ANGPTL2: variants seen among roughly 807,000 people sequenced by gnomAD.
ANGPTL2 encodes angiopoietin like 2, also known as angiopoietin-related protein 2.
Under a neutral mutation model 52.8 loss-of-function variants are expected in ANGPTL2, and 25 were observed. The ratio of observed to expected loss-of-function variants is 0.47; its 90% CI spans 0.35 to 0.66. The LOEUF is 0.66. Among genes scored for constraint, ANGPTL2 ranks in the 30% least tolerant of loss-of-function variants. ANGPTL2 has a pLI of 0.01. For missense variants in ANGPTL2, 546 were observed against 656.9 expected, an observed-to-expected ratio of 0.83 and a Z score of 1.84; for synonymous variants, 276 against 277.4, an observed-to-expected ratio of 1.00 and a Z score of 0.05.
At chr9:127,100,373 T>G (rs893649833) in intron 2 of ANGPTL2, among the ~76,000 whole-genome samples, 13 of 152,248 alleles carry the variant, frequency 8.5e-5, no homozygotes, top group Non-Finnish European at 1.6e-4. Flanking sequence ...TCTGCTCATT[T>G]GACCTCGGGA....
intron 1 of ANGPTL2, among the ~76,000 whole-genome samples, chr9:127,110,741 C>G (rs1409570306): frequency 6.6e-6 from 1 of 152,158 alleles, no homozygotes. Flanking sequence ...TCCTAGACGC[C>G]TTTCTTTCTT....
At chr9:127,111,556 A>G (rs1470460725) in intron 1 of ANGPTL2, among the ~76,000 whole-genome samples, 1 of 152,216 alleles carries the variant, frequency 6.6e-6, no homozygotes, top group Non-Finnish European at 1.5e-5. Flanking sequence ...TCCCATGGAC[A>G]AGTGACTGCC....
At position 127,087,555 on chromosome 9, in the gene ANGPTL2, G is replaced by C. The variant is rs1427468393; in HGVS notation, c.*1384C>G. On this transcript the variant is annotated 3_prime_UTR_variant, in exon 5 of 5. Coordinates refer to ENST00000373425, the MANE Select transcript of ANGPTL2 (RefSeq NM_012098.3). ...GCCTGGCCCACGTGCCCACCGGGAA[G>C]GGTCTCACCTTCTTGACTCATCCCT... 1 of 152,602 alleles carries C rather than the reference G, an allele frequency of 6.6e-6. No homozygotes were observed. The highest frequency in any genetic ancestry group is 1.5e-5 in the Non-Finnish European group (1 of 68,058). 9.5% of individuals were successfully genotyped at this position (152,602 alleles called of 1,614,324 possible).
chr9:127,094,097 CAA>C (rs1316489971), intron 2 of ANGPTL2, among the ~76,000 whole-genome samples, 171 bp from the exon 3 acceptor site: 1 of 152,160 alleles, frequency 6.6e-6, no homozygotes, highest in African/African-American at 2.4e-5. Context: ...ATTATAAAGA[CAA>C]GAGCCTCGGA....
Position 127,091,618 on chromosome 9 carries a change from GGT to G in ANGPTL2, c.1282+50_1282+51del. 4 of 1,582,258 alleles carry G rather than the reference GGT, an allele frequency of 2.5e-6. No individual in the cohort carries two copies. Among genetic ancestry groups the G allele is most frequent in the Non-Finnish European group, 2.6e-6 (3 of 1,163,114 alleles). ...CCCTGGAGTCAGGGGCTCTGGCTCT[GGT>G]TGACCTCTTTTCCCTACCCTGCACC... On this transcript the variant is annotated intron_variant, in intron 4 of 4. Transcript: ENST00000373425. This position sits in a 1 kb window ranked among gnomAD's most constrained non-coding sequence, Gnocchi z 4.3.
Position 127,089,041 on chromosome 9 carries a change from G to C in ANGPTL2, c.1380C>G (p.Ser460Arg), listed in dbSNP as rs755576176. 6.2e-7 allele frequency: 1 copy of C among 1,614,210 alleles called. No homozygotes were observed. The highest frequency in any genetic ancestry group is 8.5e-7 in the Non-Finnish European group (1 of 1,180,040). Residue 460 changes from serine to arginine, a missense_variant, in exon 5 of 5, where the codon AGC becomes AGG. Ser to Arg is a moderately radical substitution (Grantham distance 110). This residue lies in a region of ANGPTL2 where 261 missense variants were observed against 361.0 expected (regional missense o/e 0.72). Transcript: ENST00000373425. ...GVWYRGGHYR[S>R]RYQDGVYWAE... ...CCCAGTAGACTCCGTCCTGGTAGCG[G>C]CTCCGGTAATGGCCCCCGCGGTACC...
At chr9:127,095,496 G>T (rs907119559) in intron 2 of ANGPTL2, among the ~76,000 whole-genome samples, 6 of 152,270 alleles carry the variant, frequency 3.9e-5, no homozygotes, top group Admixed American at 6.5e-5. Flanking sequence ...CAATTTGTAT[G>T]TTTATTCAAC....
intron 2 of ANGPTL2, among the ~76,000 whole-genome samples, chr9:127,097,579 A>ATT (rs1178736576): frequency 6.6e-6 from 1 of 152,276 alleles, no homozygotes; most frequent in Non-Finnish European, 1.5e-5. Flanking sequence ...AAAATTAGTC[A>ATT]GAAAAAGAGT....
At chr9:127,095,777 T>C (rs2053059644) in intron 2 of ANGPTL2, among the ~76,000 whole-genome samples, 1 of 152,228 alleles carries the variant, frequency 6.6e-6, no homozygotes, top group African/African-American at 2.4e-5. Flanking sequence ...TCACACGTAA[T>C]AGTTATAAAC....
chr9:127,104,793 T>G (rs1032650511), intron 2 of ANGPTL2, among the ~76,000 whole-genome samples: 2 of 152,238 alleles, frequency 1.3e-5, no homozygotes, highest in African/African-American at 4.8e-5. Context: ...GTGAAAGGTT[T>G]GGAAGCTGCC....
chr9:127,108,357 C>T lies in ANGPTL2; in HGVS notation c.375G>A (p.Lys125=). ...CCCGCGAGTTCATGTTGCGGCTCTC[C>T]TTGCGCAGCAGCTTCACCTCGCTCA... ...GIVSEVKLLR[K]ESRNMNSRVT... is the part of the protein sequence containing the mutation. The change falls in exon 2 of 5, where the codon AAG becomes AAA. Residue 125 remains lysine (K), a synonymous_variant. Coordinates refer to ENST00000373425, the MANE Select transcript of ANGPTL2 (RefSeq NM_012098.3). 6.2e-7 allele frequency: 1 copy of T among 1,611,874 alleles called. No homozygotes were observed. Among genetic ancestry groups the T allele is most frequent in the Non-Finnish European group, 8.5e-7 (1 of 1,178,810 alleles).
At chr9:127,102,484 T>C (rs1037614014) in intron 2 of ANGPTL2, among the ~76,000 whole-genome samples, 1 of 152,190 alleles carries the variant, frequency 6.6e-6, no homozygotes, top group Non-Finnish European at 1.5e-5. Context: ...GTTTGCCAAG[T>C]ACCAATCTTG....
chr9:127,101,712 G>A (rs973856983), intron 2 of ANGPTL2, among the ~76,000 whole-genome samples: 17 of 152,194 alleles, frequency 1.1e-4, no homozygotes, highest in African/African-American at 4.1e-4. Context: ...TGCACATTAT[G>A]TCTGGGATGG....
rs2054506080 is a variant in ANGPTL2 at position 127,108,680 on chromosome 9, C to G, written c.52G>C (p.Gly18Arg). 3.7e-6 allele frequency: 6 copies of G among 1,613,298 alleles called. No individual in the cohort carries two copies. Among genetic ancestry groups the G allele is most frequent in the Non-Finnish European group, 4.2e-6 (5 of 1,179,846 alleles). Reference protein sequence around the residue: ...CWWLGLLAAMGAVAGQEDGFE... With the variant: ...CWWLGLLAAMRAVAGQEDGFE... ...CCGTCCTCCTGGCCTGCAACAGCTCCCATGGCAGCCAGCAGTCCGAGCCAC... is the reference window on the plus strand; with the variant it reads ...CCGTCCTCCTGGCCTGCAACAGCTCGCATGGCAGCCAGCAGTCCGAGCCAC... Residue 18 changes from glycine (G) to arginine (R), a missense_variant, in exon 2 of 5, where the codon GGA becomes CGA. Coordinates refer to ENST00000373425, the MANE Select transcript of ANGPTL2 (RefSeq NM_012098.3).
Position 127,090,770 on chromosome 9 carries a change from G to A in ANGPTL2, c.1282+900C>T, listed in dbSNP as rs77357347. Among the ~76,000 whole-genome samples the A allele has an allele frequency of 3.9e-3, 593 of 152,282 alleles. 5 individuals are homozygous for A. The highest frequency in any genetic ancestry group is 0.013 in the African/African-American group (560 of 41,554). ...ACAGCCTGAGCCTGGAGGCAGCATC[G>A]GCCGTCAGGTGGTGCCAGCCTCAGG... On this transcript the variant is annotated intron_variant, in intron 4 of 4. Coordinates refer to ENST00000373425, the MANE Select transcript of ANGPTL2 (RefSeq NM_012098.3).
chr9:127,096,743 A>T (rs2136632551), intron 2 of ANGPTL2, among the ~76,000 whole-genome samples: 1 of 152,368 alleles, frequency 6.6e-6, no homozygotes, highest in East Asian at 1.9e-4. Context: ...ACAATTCTGT[A>T]TACAGTTTCA....
chr9:127,109,065 G>GC (rs907293426), intron 1 of ANGPTL2, among the ~76,000 whole-genome samples: 5 of 152,152 alleles, frequency 3.3e-5, no homozygotes, highest in East Asian at 1.9e-4. Flanking sequence ...AATGCCCGCA[G>GC]CCCCCTTGCT....
At chr9:127,120,013 A>G (rs2055879817) in intron 1 of ANGPTL2, among the ~76,000 whole-genome samples, 2 of 152,180 alleles carry the variant, frequency 1.3e-5, no homozygotes, top group Admixed American at 6.5e-5. Context: ...CTGGAACCTC[A>G]GGGGGCCACA....
At chr9:127,113,392 C>T (rs987766688) in intron 1 of ANGPTL2, among the ~76,000 whole-genome samples, 1 of 152,070 alleles carries the variant, frequency 6.6e-6, no homozygotes, top group African/African-American at 2.4e-5. Context: ...CTCCCCTCCC[C>T]CCAGCAGTTT....
Sources: allele counts gnomAD v4.1 joint callset (sites outside exome capture counted in the v4.1 genomes callset), GRCh38; gene constraint gnomAD v4.1.1; regional missense constraint gnomAD v4.1.1; non-coding constraint Gnocchi (gnomAD v3.1); transcripts MANE v1.5; gene names NCBI Gene and HGNC (gene_info 2026-07-23, HGNC 2026-07-21).